Variants in UTP18 observed in about 807,000 individuals in gnomAD.
The protein encoded by UTP18 is UTP18 small subunit processome component, also known as U3 small nucleolar RNA-associated protein 18 homolog.
In UTP18, 36 loss-of-function variants were observed where a neutral mutation model predicts 61.1. The observed-to-expected ratio is 0.59, with a 90% CI of 0.45 to 0.78. The LOEUF (loss-of-function observed/expected upper bound fraction) is 0.78, where lower values mean the gene tolerates loss of function less well. Ranked by LOEUF, UTP18 falls within the 30% of genes least tolerant of loss-of-function variation. The pLI, the probability that UTP18 is intolerant of heterozygous loss-of-function variation, is 0.00. For missense variants in UTP18, 753 were observed against 693.9 expected (o/e 1.09, Z -0.96); for synonymous variants, 282 against 251.1 (o/e 1.12, Z -1.16).
chr17:51,266,331 C>A, intron 3 of UTP18, 51 bp downstream of exon 3: 2 of 1,325,132 alleles, frequency 1.5e-6, no homozygotes, highest in Non-Finnish European at 2.1e-6. Context: ...TAACCAATGC[C>A]CAGTCATTAA....
At chr17:51,265,287 G>A (rs2055548842) in intron 2 of UTP18, among the ~76,000 whole-genome samples, 1 of 149,104 alleles carries the variant, frequency 6.7e-6, no homozygotes, top group Admixed American at 6.7e-5. Flanking sequence ...TTTTGAGATG[G>A]AGTTTTGCTC....
chr17:51,275,475 C>G (rs957083727), intron 5 of UTP18, among the ~76,000 whole-genome samples: 1 of 152,206 alleles, frequency 6.6e-6, no homozygotes, highest in South Asian at 2.1e-4. Flanking sequence ...TGCAAAGATG[C>G]CAGGTGCCAA....
At chr17:51,277,632 A>G (rs541702808) in intron 7 of UTP18, among the ~76,000 whole-genome samples, 10 of 152,264 alleles carry the variant, frequency 6.6e-5, no homozygotes, top group African/African-American at 2.4e-4. Context: ...CCTGGATTCC[A>G]TTTCTTTGGA....
intron 11 of UTP18, among the ~76,000 whole-genome samples, chr17:51,291,652 T>C (rs572511630): frequency 5.3e-5 from 8 of 151,964 alleles, no homozygotes; most frequent in South Asian, 4.2e-4. Context: ...GAAGAATTGC[T>C]TGCCCCCAAG....
chr17:51,268,883 A>T lies in UTP18; in HGVS notation c.601A>T (p.Lys201Ter). Reference sequence around the variant, plus strand: ...AGTACCTGCCTGGGCAGAGACTACTAAGCGGAAAACATCTTCAGATGGTGA... The same window carrying T: ...AGTACCTGCCTGGGCAGAGACTACTTAGCGGAAAACATCTTCAGATGGTGA... The part of the protein sequence containing the change: ...GGVPAWAETT[K>*]RKTSSDDESE... The change falls in exon 4 of 14, where the codon AAG becomes TAG. Residue 201 changes from lysine to a stop codon, truncating the protein, a stop_gained. Coordinates refer to ENST00000225298, the MANE Select transcript of UTP18 (RefSeq NM_016001.3). LOFTEE classifies it high-confidence loss of function. 6.2e-7 allele frequency: 1 copy of T among 1,613,952 alleles called. No homozygotes were observed. The highest frequency in any genetic ancestry group is 8.5e-7 in the Non-Finnish European group (1 of 1,179,854).
chr17:51,275,711 TTTG>T (rs957032363), intron 5 of UTP18, among the ~76,000 whole-genome samples, 152 bp from the exon 6 acceptor site: 2 of 152,046 alleles, frequency 1.3e-5, no homozygotes, highest in African/African-American at 4.8e-5. Context: ...CTGCGGTTTT[TTTG>T]TTTTTTGTTT....
rs1052850618 is a variant in UTP18 at position 51,288,335 on chromosome 17, A to T, written c.1503+132A>T. ...TTCTTTTGATATAGGAATTATTAGT[A>T]TTGTAGCTTTTGGATGTGGTTGTTG... On this transcript the variant is annotated intron_variant, in intron 11 of 13. Coordinates refer to ENST00000225298, the MANE Select transcript of UTP18 (RefSeq NM_016001.3). 11 of 957,466 alleles carry T rather than the reference A, an allele frequency of 1.1e-5. No homozygotes were observed. In the African/African-American group the frequency reaches 1.5e-4, roughly 13 times the overall value. The allele number at this position is 957,466 out of a possible 1,614,324, so 59.3% of individuals were successfully genotyped here. A position where few individuals can be genotyped will look rare whatever the true frequency, so the allele number is the denominator to read the frequency against.
intron 12 of UTP18, among the ~76,000 whole-genome samples, chr17:51,295,511 G>A (rs941262928): frequency 2.6e-5 from 4 of 152,136 alleles, no homozygotes; most frequent in African/African-American, 9.7e-5. Flanking sequence ...GATGGTTGTA[G>A]ATATGCAGCA....
intron 1 of UTP18, among the ~76,000 whole-genome samples, 199 bp downstream of exon 1, chr17:51,261,125 C>T (rs761803758): frequency 2.0e-5 from 3 of 152,226 alleles, no homozygotes; most frequent in Non-Finnish European, 2.9e-5. Context: ...GCCTGGAGGG[C>T]GGGGACCGCG....
At chr17:51,281,185 G>A (rs562250945) in intron 9 of UTP18, among the ~76,000 whole-genome samples, 169 of 147,742 alleles carry the variant, frequency 1.1e-3, no homozygotes, top group African/African-American at 4.2e-3. Flanking sequence ...ACGAAAAGTT[G>A]TGTTTGGTTT....
At chr17:51,284,868 C>A (rs1438762873) in intron 9 of UTP18, among the ~76,000 whole-genome samples, 1 of 152,046 alleles carries the variant, frequency 6.6e-6, no homozygotes, top group South Asian at 2.1e-4. Context: ...CGAGACCAGC[C>A]TGGCCAACAT....
chr17:51,293,662 C>G (rs907626359), intron 11 of UTP18, among the ~76,000 whole-genome samples: 2 of 152,120 alleles, frequency 1.3e-5, no homozygotes, highest in African/African-American at 4.8e-5. Flanking sequence ...CAGACTTCAC[C>G]ACTGTGCAAG....
intron 11 of UTP18, among the ~76,000 whole-genome samples, chr17:51,293,023 G>T (rs1304340261): frequency 6.6e-6 from 1 of 152,170 alleles, no homozygotes; most frequent in African/African-American, 2.4e-5. Flanking sequence ...ACTTTGCCTA[G>T]GCTTCAGTTA....
At chr17:51,295,581 C>T (rs377294091) in intron 12 of UTP18, among the ~76,000 whole-genome samples, 1 of 152,240 alleles carries the variant, frequency 6.6e-6, no homozygotes, top group East Asian at 1.9e-4. Flanking sequence ...GTACCAGTAC[C>T]CTGCTGTTTT....
At chr17:51,295,814 A>G (rs1905355455) in intron 12 of UTP18, among the ~76,000 whole-genome samples, 1 of 151,996 alleles carries the variant, frequency 6.6e-6, no homozygotes, top group African/African-American at 2.4e-5. Flanking sequence ...ATTTTCTACC[A>G]TAAAATGTCA....
intron 11 of UTP18, among the ~76,000 whole-genome samples, chr17:51,290,418 A>AAAC (rs576096725): frequency 7.2e-5 from 11 of 152,176 alleles, no homozygotes; most frequent in East Asian, 3.9e-4. Flanking sequence ...TCTGTCTCAA[A>AAAC]AACAACAACA....
intron 10 of UTP18, 59 bp from the exon 11 acceptor site, chr17:51,287,969 TA>T: frequency 1.5e-6 from 2 of 1,292,778 alleles, no homozygotes; most frequent in Non-Finnish European, 2.1e-6. Context: ...TATATTCACT[TA>T]GGTTGTGAAA....
At position 51,293,938 on chromosome 17, in the gene UTP18, C is replaced by A; in HGVS notation, c.1539C>A (p.Phe513Leu). 1.2e-6 allele frequency: 2 copies of A among 1,602,536 alleles called. No homozygotes were observed. Among genetic ancestry groups the A allele is most frequent in the Non-Finnish European group, 1.7e-6 (2 of 1,174,432 alleles). ...CTTCCTGTACAGTATTTTCAAACTT[C>A]CCAGTCATTAAAAATAAGAATATTT... ...HLPSCTVFSN[F>L]PVIKNKNISH... Residue 513 changes from phenylalanine to leucine, a missense_variant, in exon 12 of 14, where the codon TTC becomes TTA. By Grantham distance (22) the Phe-to-Leu change is conservative (BLOSUM62 0). Coordinates refer to ENST00000225298, the MANE Select transcript of UTP18 (RefSeq NM_016001.3).
At chr17:51,285,221 T>C in intron 9 of UTP18, 24 bp from the exon 10 acceptor site, 1 of 1,610,028 alleles carries the variant, frequency 6.2e-7, no homozygotes, top group Non-Finnish European at 8.5e-7. Flanking sequence ...AATTAACAAC[T>C]CTTTTTTTCG....
Sources: allele counts gnomAD v4.1 joint callset (sites outside exome capture counted in the v4.1 genomes callset), GRCh38; gene constraint gnomAD v4.1.1; transcripts MANE v1.5; gene names NCBI Gene and HGNC (gene_info 2026-07-23, HGNC 2026-07-21).